OTUD7A: variants seen among roughly 807,000 people sequenced by gnomAD.
OTUD7A encodes the protein OTU deubiquitinase 7A, also known as OTU domain-containing protein 7A.
A neutral mutation model predicts 65.7 loss-of-function variants in OTUD7A; 12 were observed. The observed-to-expected ratio is 0.18, with a 90% confidence interval of 0.12 to 0.30. OTUD7A has a LOEUF of 0.30. Among genes scored for constraint, OTUD7A ranks in the 10% least tolerant of loss-of-function variants. The pLI is 1.00. For synonymous variants in OTUD7A, 641 were observed against 586.3 expected (o/e 1.09, Z -1.35); for missense variants, 1,148 against 1,304.8 (o/e 0.88, Z 1.85).
At chr15:31,506,498 A>C (rs188975916) in intron 8 of OTUD7A, among the ~76,000 whole-genome samples, 8 of 152,284 alleles carry the variant, frequency 5.3e-5, no homozygotes, top group African/African-American at 1.7e-4. Flanking sequence ...AAGGACTTAC[A>C]AGGAATTTTT....
chr15:31,622,911 T>C (rs1019640972), intron 3 of OTUD7A, among the ~76,000 whole-genome samples: 4 of 152,240 alleles, frequency 2.6e-5, no homozygotes, highest in Non-Finnish European at 5.9e-5. Flanking sequence ...ACCTCTGGTC[T>C]TTGATGATGG....
chr15:31,755,980 G>A (rs1257200657), intron 1 of OTUD7A, among the ~76,000 whole-genome samples: 1 of 152,166 alleles, frequency 6.6e-6, no homozygotes, highest in Non-Finnish European at 1.5e-5. Flanking sequence ...CTGCAAAGGC[G>A]TATCATGAGT....
intron 1 of OTUD7A, among the ~76,000 whole-genome samples, chr15:31,753,704 A>ATATATATATATATATTATATATATAT (rs1555413874): frequency 6.5e-5 from 1 of 15,318 alleles, no homozygotes; most frequent in Non-Finnish European, 1.3e-4. Context: ...TATATATATT[A>ATATATATATATATATTATATATATAT]TATATATATA....
intron 2 of OTUD7A, among the ~76,000 whole-genome samples, chr15:31,655,592 T>G (rs1168997850): frequency 6.6e-6 from 1 of 152,146 alleles, no homozygotes; most frequent in East Asian, 1.9e-4. Context: ...AATGGGCCCT[T>G]ACTAGACACC....
chr15:31,791,806 C>T (rs962544560), intron 1 of OTUD7A, among the ~76,000 whole-genome samples: 2 of 152,192 alleles, frequency 1.3e-5, no homozygotes, highest in Non-Finnish European at 2.9e-5. Flanking sequence ...CCTCCTCCTT[C>T]ATCACTGGCT....
intron 5 of OTUD7A, among the ~76,000 whole-genome samples, chr15:31,543,682 G>A (rs971435102): frequency 6.6e-6 from 1 of 151,826 alleles, no homozygotes; most frequent in Non-Finnish European, 1.5e-5. Context: ...CTGTTCAACT[G>A]CTCAATTCAT....
At chr15:31,550,720 C>T (rs892051762) in intron 5 of OTUD7A, among the ~76,000 whole-genome samples, 1 of 152,156 alleles carries the variant, frequency 6.6e-6, no homozygotes, top group Non-Finnish European at 1.5e-5. Flanking sequence ...TTTAAGCTGC[C>T]AAATGTGTGG....
intron 1 of OTUD7A, among the ~76,000 whole-genome samples, chr15:31,674,466 C>T (rs71476558): frequency 0.18 from 26,637 of 152,152 alleles, 2,595 homozygotes; most frequent in East Asian, 0.25. Flanking sequence ...GGTGCTAGCC[C>T]AGCTTCTTAG....
intron 5 of OTUD7A, among the ~76,000 whole-genome samples, chr15:31,535,910 G>A (rs1887786615): frequency 1.3e-5 from 2 of 152,038 alleles, no homozygotes; most frequent in African/African-American, 4.8e-5. Flanking sequence ...TCAATCTCCT[G>A]ACCTCGTGAT....
chr15:31,841,853 T>G (rs1897190140), intron 1 of OTUD7A, among the ~76,000 whole-genome samples: 1 of 152,190 alleles, frequency 6.6e-6, no homozygotes, highest in Non-Finnish European at 1.5e-5. Flanking sequence ...GCTGAAGACC[T>G]GCATACCTGC....
intron 1 of OTUD7A, among the ~76,000 whole-genome samples, chr15:31,814,038 T>A (rs147904840): frequency 6.6e-6 from 1 of 152,246 alleles, no homozygotes; most frequent in African/African-American, 2.4e-5. Flanking sequence ...TCAATCCATG[T>A]AGACTAGGTC....
chr15:31,674,649 G>T (rs1032278317), intron 1 of OTUD7A, among the ~76,000 whole-genome samples: 12 of 152,314 alleles, frequency 7.9e-5, no homozygotes, highest in Admixed American at 7.2e-4. Flanking sequence ...ATCTGCATGT[G>T]CCATGCTGGA....
At chr15:31,508,413 G>A (rs888562200) in intron 8 of OTUD7A, among the ~76,000 whole-genome samples, 35 of 151,510 alleles carry the variant, frequency 2.3e-4, no homozygotes, top group Non-Finnish European at 3.8e-4. Context: ...CAGTGGCGCC[G>A]ATCTCCGCTC....
intron 1 of OTUD7A, among the ~76,000 whole-genome samples, chr15:31,845,297 C>CAAGGGGAGGAGAATTGAA (rs1278051516): frequency 6.6e-6 from 1 of 152,212 alleles, no homozygotes; most frequent in African/African-American, 2.4e-5. Context: ...CTCTCCATCT[C>CAAGGGGAGGAGAATTGAA]AAGGGGAGGA....
intron 3 of OTUD7A, among the ~76,000 whole-genome samples, chr15:31,587,533 C>A (rs1383185551): frequency 6.6e-6 from 1 of 150,802 alleles, no homozygotes; most frequent in African/African-American, 2.4e-5. Context: ...CCCAGCTACT[C>A]GGGAGGCTGA....
At chr15:31,626,512 C>T (rs188858451) in intron 3 of OTUD7A, among the ~76,000 whole-genome samples, 21 of 152,172 alleles carry the variant, frequency 1.4e-4, no homozygotes, top group Non-Finnish European at 2.4e-4. Context: ...GTGCATGGAA[C>T]TATCTGTAAC....
chr15:31,559,253 A>C, intron 4 of OTUD7A, 66 bp from the exon 5 acceptor site: 1 of 1,431,538 alleles, frequency 7.0e-7, no homozygotes, highest in Non-Finnish European at 9.6e-7. Flanking sequence ...CTATGTACAT[A>C]AACACACATA....
intron 4 of OTUD7A, among the ~76,000 whole-genome samples, chr15:31,566,603 C>T (rs1160686927): frequency 6.6e-6 from 1 of 152,176 alleles, no homozygotes; most frequent in Non-Finnish European, 1.5e-5. Flanking sequence ...GTCTCCAAAT[C>T]TCAAGTTGAA....
rs185583388 is a variant in OTUD7A at position 31,615,010 on chromosome 15, G to A, written c.151+40086C>T. Among the ~76,000 whole-genome samples the A allele has an allele frequency of 2.9e-3, 441 of 152,208 alleles. 5 individuals carry two copies. Among genetic ancestry groups the A allele is most frequent in the African/African-American group, 0.01 (426 of 41,536 alleles). On this transcript the variant is annotated intron_variant, in intron 3 of 12. Coordinates refer to ENST00000307050, the MANE Select transcript of OTUD7A (RefSeq NM_001382637.1). ...CAAAAGAATAGTAAAGGAATGTACC[G>A]GGAAGAAGCTAATAGAATAGAACAT...
Sources: allele counts gnomAD v4.1 joint callset (sites outside exome capture counted in the v4.1 genomes callset), GRCh38; gene constraint gnomAD v4.1.1; transcripts MANE v1.5; gene names NCBI Gene and HGNC (gene_info 2026-07-23, HGNC 2026-07-21).